Variants in FANCB observed in about 807,000 individuals in gnomAD.
The protein encoded by FANCB is Fanconi anemia group B protein.
FANCB carries 5 observed loss-of-function variants against 38.9 expected under a neutral mutation model. The observed-to-expected ratio is 0.13, with a 90% confidence interval of 0.07 to 0.27. FANCB has a LOEUF of 0.27. FANCB is among the 10% of genes least tolerant of loss of function. The pLI is 1.00. For synonymous variants in FANCB, 236 were observed against 215.4 expected (o/e 1.10, Z -0.84); for missense variants, 573 against 602.7 (o/e 0.95, Z 0.52).
At chrX:14,773,296 C>T in the FANCB span, among the ~76,000 whole-genome samples, 2 of 112,396 alleles carry the variant, frequency 1.8e-5, no homozygotes, top group Non-Finnish European at 3.8e-5. Flanking sequence ...ATGCCTTGCA[C>T]AAAAATGCAG....
At chrX:14,856,434 T>C (rs1428122493) in intron 5 of FANCB, among the ~76,000 whole-genome samples, 1 of 111,873 alleles carries the variant, frequency 8.9e-6, no homozygotes, top group Non-Finnish European at 1.9e-5. Flanking sequence ...AATTTCTTTT[T>C]TCACAATTTG....
intron 5 of FANCB, among the ~76,000 whole-genome samples, chrX:14,857,138 A>G (rs999607911): frequency 1.8e-5 from 2 of 112,157 alleles, no homozygotes; most frequent in Non-Finnish European, 1.9e-5. Flanking sequence ...AGATTTTTAA[A>G]AGTAACAAGA....
chrX:14,767,771 C>G, the FANCB span, among the ~76,000 whole-genome samples: 6 of 112,150 alleles, frequency 5.3e-5, no homozygotes, highest in Admixed American at 1.9e-4. Context: ...TGCCTATGTC[C>G]TGAATGGTAT....
chrX:14,860,620 A>T (rs893929421), intron 3 of FANCB, among the ~76,000 whole-genome samples: 3 of 112,446 alleles, frequency 2.7e-5, no homozygotes, highest in African/African-American at 9.7e-5. Flanking sequence ...AACACAATAT[A>T]TCTAAAATAT....
At chrX:14,706,485 G>C in the FANCB span, among the ~76,000 whole-genome samples, 1 of 112,112 alleles carries the variant, frequency 8.9e-6, no homozygotes, top group East Asian at 2.8e-4. Context: ...TATTACTGTG[G>C]CTGCTTGTGT....
In FANCB at chrX:14,850,595, T is replaced by A. The variant is rs746103110; in HGVS notation, c.1406A>T (p.Gln469Leu). 5 of 1,193,613 alleles carry A rather than the reference T, an allele frequency of 4.2e-6. No individual in the cohort carries two copies. Among genetic ancestry groups the A allele is most frequent in the Non-Finnish European group, 5.7e-6 (5 of 879,073 alleles). ...ILDEKLSDNF[Q>L]DSEQLVEKIW... ...CTTCTCTACTAGCTGTTCTGAATCT[T>A]GAAAATTGTCTGATAACTTTTCATC... is the stretch of plus-strand genomic sequence containing the variant. The change falls in exon 7 of 10, where the codon CAA (glutamine) becomes CTA (leucine). Residue 469 changes from glutamine (Q) to leucine (L), a missense_variant. By Grantham distance (113) the Gln-to-Leu change is moderately radical (BLOSUM62 -2). Transcript: ENST00000650831.
chrX:14,750,571 G>T, the FANCB span, among the ~76,000 whole-genome samples: 1 of 111,148 alleles, frequency 9.0e-6, no homozygotes, highest in Non-Finnish European at 1.9e-5. Flanking sequence ...TAGGCACAAG[G>T]GTGGTAGAAA....
At chrX:14,693,100 T>G in the FANCB span, among the ~76,000 whole-genome samples, 2 of 104,035 alleles carry the variant, frequency 1.9e-5, no homozygotes, top group Non-Finnish European at 3.9e-5. Context: ...AGAAAGCAAA[T>G]AGAGAAGTGG....
In FANCB at chrX:14,843,782, C is replaced by T. The variant is rs1340712652; in HGVS notation, c.2365G>A (p.Glu789Lys). 3.3e-6 allele frequency: 4 copies of T among 1,209,158 alleles called. No individual in the cohort carries two copies. Among genetic ancestry groups the T allele is most frequent in the Non-Finnish European group, 4.5e-6 (4 of 894,732 alleles). ...KHESNFMQRC[E>K]VSKGKSSVVA... ...ACACTACTCTTTCCTTTGCTCACTTCACACCTCTGCATAAAATTGCTTTCA... is the reference window on the plus strand; with the variant it reads ...ACACTACTCTTTCCTTTGCTCACTTTACACCTCTGCATAAAATTGCTTTCA... Residue 789 changes from glutamate to lysine, a missense_variant, in exon 10 of 10, where the codon GAA (glutamate) becomes AAA (lysine). Glu to Lys is a moderately conservative substitution (Grantham distance 56, BLOSUM62 1). Transcript: ENST00000650831.
chrX:14,749,433 C>A, the FANCB span, among the ~76,000 whole-genome samples: 1 of 110,759 alleles, frequency 9.0e-6, no homozygotes. Flanking sequence ...GTGGCAGGAT[C>A]CTCCCTTATA....
chrX:14,785,578 C>G, the FANCB span, among the ~76,000 whole-genome samples: 1 of 112,197 alleles, frequency 8.9e-6, no homozygotes, highest in African/African-American at 3.2e-5. Context: ...TTTGATCCAA[C>G]TTTTGCTCTT....
At chrX:14,753,424 C>T in the FANCB span, among the ~76,000 whole-genome samples, 1 of 112,388 alleles carries the variant, frequency 8.9e-6, no homozygotes, top group Non-Finnish European at 1.9e-5. Context: ...TTATCTATTG[C>T]TATGTCATAA....
chrX:14,769,859 T>C, the FANCB span, among the ~76,000 whole-genome samples: 2 of 112,398 alleles, frequency 1.8e-5, no homozygotes, highest in Non-Finnish European at 3.8e-5. Flanking sequence ...TGTCTCTTTG[T>C]TCTTATTTGT....
the FANCB span, among the ~76,000 whole-genome samples, chrX:14,720,678 T>C: frequency 8.9e-6 from 1 of 112,066 alleles, no homozygotes; most frequent in East Asian, 2.8e-4. Context: ...ATTCTGCTAT[T>C]TGAAACATCT....
At chrX:14,723,415 A>G in the FANCB span, among the ~76,000 whole-genome samples, 360 of 111,987 alleles carry the variant, frequency 3.2e-3, 1 homozygote, top group African/African-American at 0.011. Flanking sequence ...CATCTGGACC[A>G]TTGCTGTAGC....
the FANCB span, among the ~76,000 whole-genome samples, chrX:14,815,891 T>G: frequency 0.47 from 52,357 of 110,971 alleles, 9,532 homozygotes; most frequent in Non-Finnish European, 0.58. Context: ...GCCATTATCT[T>G]AAGTGAAATA....
At chrX:14,764,896 T>C in the FANCB span, among the ~76,000 whole-genome samples, 1 of 112,053 alleles carries the variant, frequency 8.9e-6, no homozygotes, top group Non-Finnish European at 1.9e-5. Flanking sequence ...ATGAGGACTT[T>C]TCAACAGCCC....
chrX:14,851,730 T>C (rs186550452), intron 6 of FANCB, among the ~76,000 whole-genome samples: 1 of 112,317 alleles, frequency 8.9e-6, no homozygotes, highest in East Asian at 2.8e-4. Context: ...CTTTCTAAAA[T>C]TGGCAAAATC....
intron 2 of FANCB, 150 bp from the exon 3 acceptor site, chrX:14,865,730 T>C (rs2092466952): frequency 6.0e-6 from 2 of 331,153 alleles, no homozygotes; most frequent in South Asian, 8.0e-5. Context: ...ATCATACTTA[T>C]AAAAAAAATT....
Sources: gnomAD v4.1 joint callset for allele counts (sites outside exome capture counted in the v4.1 genomes callset) on GRCh38, gnomAD v4.1.1 for gene constraint, MANE v1.5 for transcripts, NCBI Gene and HGNC (gene_info 2026-07-23, HGNC 2026-07-21) for gene names.